OCLN: variants seen among roughly 807,000 people sequenced by gnomAD.
OCLN encodes phosphatase 1, regulatory subunit 115.
OCLN carries 21 observed loss-of-function variants against 47.9 expected under a neutral mutation model. That is an observed-to-expected ratio of 0.44 (90% CI 0.31 to 0.63). The LOEUF is 0.63. Ranked by LOEUF, OCLN falls within the 30% of genes least tolerant of loss-of-function variation. OCLN has a pLI of 0.08. For synonymous variants in OCLN, 117 were observed against 198.4 expected (o/e 0.59, Z 3.45); for missense variants, 360 against 571.0 (o/e 0.63, Z 3.77).
chr5:69,548,623 A>G (rs2112087964), intron 7 of OCLN, among the ~76,000 whole-genome samples: 1 of 148,670 alleles, frequency 6.7e-6, no homozygotes, highest in Admixed American at 6.7e-5. Flanking sequence ...CCCAGCCCCT[A>G]CAAAGCACTA....
chr5:69,525,658 A>T (rs1769259687), intron 4 of OCLN, among the ~76,000 whole-genome samples: 1 of 152,126 alleles, frequency 6.6e-6, no homozygotes. Flanking sequence ...CTTGATTTTT[A>T]TAAGAGTTTT....
intron 4 of OCLN, among the ~76,000 whole-genome samples, chr5:69,524,553 T>TG (rs1450895483): frequency 8.5e-5 from 13 of 152,244 alleles, no homozygotes; most frequent in Admixed American, 8.5e-4. Flanking sequence ...TACATGTTGA[T>TG]GGAGTTGAAG....
At chr5:69,525,686 C>T (rs149848084) in intron 4 of OCLN, among the ~76,000 whole-genome samples, 2 of 152,266 alleles carry the variant, frequency 1.3e-5, no homozygotes, top group African/African-American at 2.4e-5. Flanking sequence ...TAAAGGTCAA[C>T]TTTTTATGAG....
At chr5:69,523,916 A>G (rs546505544) in intron 4 of OCLN, among the ~76,000 whole-genome samples, 1 of 152,196 alleles carries the variant, frequency 6.6e-6, no homozygotes, top group East Asian at 1.9e-4. Flanking sequence ...TGGGAGACCA[A>G]GGTGCGTAGA....
At chr5:69,505,020 C>G (rs987406310) in intron 2 of OCLN, among the ~76,000 whole-genome samples, 1 of 152,088 alleles carries the variant, frequency 6.6e-6, no homozygotes, top group Non-Finnish European at 1.5e-5. Context: ...GAGGCCGAGG[C>G]GGGTGGATCA....
At chr5:69,550,548 C>T (rs1432262971) in intron 7 of OCLN, among the ~76,000 whole-genome samples, 46 of 145,994 alleles carry the variant, frequency 3.2e-4, no homozygotes, top group African/African-American at 8.2e-4. Flanking sequence ...TCAGAGGGTA[C>T]GTACCTTTGC....
At chr5:69,525,316 G>A (rs887337144) in intron 4 of OCLN, among the ~76,000 whole-genome samples, 2 of 151,990 alleles carry the variant, frequency 1.3e-5, no homozygotes, top group Non-Finnish European at 2.9e-5. Flanking sequence ...ATGTTAGCCA[G>A]GATGGTCTCG....
Position 69,554,882 on chromosome 5 carries a change from T to G in OCLN, c.*1211T>G, listed in dbSNP as rs1289016565. On this transcript the variant is annotated 3_prime_UTR_variant, in exon 9 of 9. Transcript: ENST00000396442. ...CAGCTTAGACTTTTCTAAAAACTTT[T>G]TTTTAGAATAATCTATAAACTGAAC... The G allele has an allele frequency of 1.3e-5, 2 of 151,624 alleles. No homozygotes were observed. Among genetic ancestry groups the G allele is most frequent in the African/African-American group, 2.4e-5 (1 of 41,334 alleles). 9.4% of individuals were successfully genotyped at this position (151,624 alleles called of 1,614,324 possible).
chr5:69,509,694 C>G lies in OCLN; in HGVS notation c.604C>G (p.Gln202Glu). 6.2e-7 allele frequency: 1 copy of G among 1,614,162 alleles called. No homozygotes were observed. The highest frequency in any genetic ancestry group is 8.5e-7 in the Non-Finnish European group (1 of 1,180,000). The change falls in exon 3 of 9, where the codon CAG (glutamine) becomes GAG (glutamate). Residue 202 changes from glutamine (Q) to glutamate (E), a missense_variant. Gln to Glu is a conservative substitution (Grantham distance 29, BLOSUM62 2). Transcript: ENST00000396442. ...TATAATGGGAGTGAACCCAACTGCT[C>G]AGTCTTCTGGATCTCTATATGGTTC... is the stretch of plus-strand genomic sequence containing the variant. ...VYIMGVNPTA[Q>E]SSGSLYGSQI...
chr5:69,511,667 C>T (rs748313527), intron 3 of OCLN, among the ~76,000 whole-genome samples: 42 of 151,984 alleles, frequency 2.8e-4, no homozygotes, highest in Non-Finnish European at 5.1e-4. Context: ...CCTGCCTTGG[C>T]CTTCCAAACC....
intron 2 of OCLN, 80 bp from the exon 3 acceptor site, chr5:69,509,061 A>G (rs1359740982): frequency 1.7e-6 from 2 of 1,206,556 alleles, no homozygotes; most frequent in Non-Finnish European, 1.2e-6. Flanking sequence ...CCAATGGTTT[A>G]AATTATTCCA....
At chr5:69,510,505 C>T (rs1264874210) in intron 3 of OCLN, among the ~76,000 whole-genome samples, 1 of 151,910 alleles carries the variant, frequency 6.6e-6, no homozygotes, top group Non-Finnish European at 1.5e-5. Flanking sequence ...TAAGGTGAAA[C>T]CCCGTCTCTA....
At chr5:69,516,179 C>G (rs1423673921) in intron 4 of OCLN, among the ~76,000 whole-genome samples, 1 of 152,026 alleles carries the variant, frequency 6.6e-6, no homozygotes, top group East Asian at 1.9e-4. Context: ...GAGCCGAGAT[C>G]ACGCCACTGC....
intron 3 of OCLN, among the ~76,000 whole-genome samples, chr5:69,512,468 T>C (rs552976251): frequency 7.2e-5 from 11 of 152,354 alleles, no homozygotes; most frequent in African/African-American, 2.6e-4. Flanking sequence ...ATAGTAAGTT[T>C]TGAAATTGTG....
At chr5:69,513,311 C>A (rs1768837056) in intron 3 of OCLN, among the ~76,000 whole-genome samples, 1 of 152,136 alleles carries the variant, frequency 6.6e-6, no homozygotes, top group Admixed American at 6.5e-5. Context: ...GTTACAGGGC[C>A]CTTTCTAGTA....
chr5:69,525,351 G>A (rs1340112236), intron 4 of OCLN, among the ~76,000 whole-genome samples: 1 of 151,958 alleles, frequency 6.6e-6, no homozygotes, highest in Non-Finnish European at 1.5e-5. Context: ...TGATCCGCCC[G>A]CCTCAGCCTC....
intron 2 of OCLN, among the ~76,000 whole-genome samples, chr5:69,504,525 A>C (rs1187885559): frequency 6.6e-6 from 1 of 152,220 alleles, no homozygotes; most frequent in Non-Finnish European, 1.5e-5. Context: ...GTTTGTTTCA[A>C]GAGATTGCCA....
Position 69,509,311 on chromosome 5 carries a change from T to A in OCLN, c.221T>A (p.Val74Glu), listed in dbSNP as rs1189971928. ...VIRILSMLII[V>E]MCIAIFACVA... is the part of the protein sequence containing the mutation. ...CGGATCCTGTCTATGCTCATTATTG[T>A]GATGTGCATTGCCATCTTTGCCTGT... Residue 74 changes from valine (V) to glutamate (E), a missense_variant, in exon 3 of 9, where the codon GTG becomes GAG. Val to Glu is a moderately radical substitution (Grantham distance 121, BLOSUM62 -2). Around this residue, in one of 3 missense-constraint regions of OCLN, gnomAD observed 314 missense variants for 368.1 expected, o/e 0.85. Coordinates refer to ENST00000396442, the MANE Select transcript of OCLN (RefSeq NM_001205254.2). The A allele has an allele frequency of 1.3e-5, 21 of 1,614,100 alleles. No individual in the cohort carries two copies. The Admixed American group carries it at 3.5e-4, about 27-fold the overall frequency.
chr5:69,536,382 A>G (rs1018268011), intron 5 of OCLN, among the ~76,000 whole-genome samples: 2 of 137,672 alleles, frequency 1.5e-5, no homozygotes, highest in African/African-American at 5.3e-5. Flanking sequence ...TTAAAACACA[A>G]TCACATGGCT....
Sources: gnomAD v4.1 joint callset for allele counts (sites outside exome capture counted in the v4.1 genomes callset) on GRCh38, gnomAD v4.1.1 for gene constraint, gnomAD v4.1.1 regional missense constraint, MANE v1.5 for transcripts, NCBI Gene and HGNC (gene_info 2026-07-23, HGNC 2026-07-21) for gene names.